Variants in AUTS2 observed in about 807,000 individuals in gnomAD.
The protein encoded by AUTS2 is activator of transcription and developmental regulator AUTS2.
Under a neutral mutation model 112.4 loss-of-function variants are expected in AUTS2, and 17 were observed. The observed-to-expected ratio is 0.15, with a 90% CI of 0.10 to 0.23. The LOEUF is 0.23. Among genes scored for constraint, AUTS2 ranks in the 10% least tolerant of loss-of-function variants. The pLI is 1.00. For missense variants in AUTS2, 1,510 were observed against 1,701.6 expected (o/e 0.89, Z 1.98); for synonymous variants, 751 against 702.7 (o/e 1.07, Z -1.09).
At chr7:69,882,814 A>G (rs1386011930) in intron 1 of AUTS2, among the ~76,000 whole-genome samples, 1 of 152,228 alleles carries the variant, frequency 6.6e-6, no homozygotes, top group African/African-American at 2.4e-5. Flanking sequence ...CTCATTAAAC[A>G]CAATCTTGAG....
At chr7:69,622,607 C>T (rs1583957961) in intron 1 of AUTS2, among the ~76,000 whole-genome samples, 1 of 152,136 alleles carries the variant, frequency 6.6e-6, no homozygotes, top group East Asian at 1.9e-4. Context: ...AACACATGTT[C>T]AGATTTTACT....
chr7:70,345,820 T>C (rs1002000276), intron 4 of AUTS2, among the ~76,000 whole-genome samples: 1 of 152,182 alleles, frequency 6.6e-6, no homozygotes, highest in African/African-American at 2.4e-5. Context: ...ATCTCCTGTT[T>C]TTTTGGACTT....
At chr7:70,499,130 T>C (rs1223840245) in intron 5 of AUTS2, among the ~76,000 whole-genome samples, 1 of 152,144 alleles carries the variant, frequency 6.6e-6, no homozygotes, top group Non-Finnish European at 1.5e-5. Context: ...GTCCCTGCTC[T>C]CGGGATGCTT....
intron 5 of AUTS2, among the ~76,000 whole-genome samples, chr7:70,606,141 C>T (rs1186334911): frequency 6.6e-6 from 1 of 152,208 alleles, no homozygotes; most frequent in Non-Finnish European, 1.5e-5. Context: ...GTATAATCAA[C>T]TTTCACACAC....
intron 4 of AUTS2, among the ~76,000 whole-genome samples, chr7:70,429,603 G>A (rs1037981135): frequency 3.3e-5 from 5 of 152,166 alleles, no homozygotes; most frequent in East Asian, 1.9e-4. Context: ...AACCAGGGCC[G>A]GACCACAAGC....
chr7:69,923,252 T>C (rs1414559332), intron 2 of AUTS2, among the ~76,000 whole-genome samples: 2 of 152,224 alleles, frequency 1.3e-5, no homozygotes, highest in Non-Finnish European at 2.9e-5. Flanking sequence ...TTCTCCACCT[T>C]TGCATTGCCT....
At chr7:70,561,759 C>T (rs1051198189) in intron 5 of AUTS2, among the ~76,000 whole-genome samples, 8 of 152,134 alleles carry the variant, frequency 5.3e-5, no homozygotes, top group African/African-American at 1.4e-4. Flanking sequence ...TTGTGTCTTT[C>T]TTTTTAGCAG....
chr7:70,120,163 C>G (rs1433460033), intron 3 of AUTS2: 1 of 151,994 alleles, frequency 6.6e-6, no homozygotes, highest in Non-Finnish European at 1.5e-5. Flanking sequence ...GTAGACAATT[C>G]CGAGATACAA....
chr7:70,486,760 A>G (rs1798018927), intron 5 of AUTS2, among the ~76,000 whole-genome samples: 1 of 152,118 alleles, frequency 6.6e-6, no homozygotes, highest in African/African-American at 2.4e-5. Context: ...TTCCATCTCA[A>G]TTAAAAAATA....
At position 69,788,770 on chromosome 7, in the gene AUTS2, T is replaced by TAA. The variant is rs201528680; in HGVS notation, c.310-110504_310-110503dup. Among the ~76,000 whole-genome samples, 311 of 139,686 alleles carry TAA rather than the reference T, an allele frequency of 2.2e-3. 1 individual carries two copies. Among genetic ancestry groups the TAA allele is most frequent in the African/African-American group, 7.7e-3 (297 of 38,768 alleles). The allele number at this position is 139,686 out of a possible 152,430, so 91.6% of individuals were successfully genotyped here. A position where few individuals can be genotyped will look rare whatever the true frequency, so the allele number is the denominator to read the frequency against. ...TCCTCCAGTGGCCTTGAAGCAAAAT[T>TAA]AAAAAAAAAAAAAGACACTTCTATG... On this transcript the variant is annotated intron_variant, in intron 1 of 18. Coordinates refer to ENST00000342771, the MANE Select transcript of AUTS2 (RefSeq NM_015570.4).
At chr7:69,928,934 A>G (rs1796130810) in intron 2 of AUTS2, among the ~76,000 whole-genome samples, 1 of 152,158 alleles carries the variant, frequency 6.6e-6, no homozygotes, top group South Asian at 2.1e-4. Context: ...ACGGGCCACC[A>G]TTGCCACCAT....
At chr7:70,682,286 T>C (rs1215398002) in intron 5 of AUTS2, among the ~76,000 whole-genome samples, 1 of 152,226 alleles carries the variant, frequency 6.6e-6, no homozygotes, top group Non-Finnish European at 1.5e-5. Flanking sequence ...TGCTGAAAAC[T>C]GCAATCTGTT....
chr7:70,445,050 T>G (rs1056851207), intron 5 of AUTS2, among the ~76,000 whole-genome samples: 1 of 152,214 alleles, frequency 6.6e-6, no homozygotes, highest in African/African-American at 2.4e-5. Context: ...CATTGCATTA[T>G]TCAAAACACT....
chr7:70,485,757 C>G (rs1252979035), intron 5 of AUTS2, among the ~76,000 whole-genome samples: 1 of 152,098 alleles, frequency 6.6e-6, no homozygotes, highest in Non-Finnish European at 1.5e-5. Flanking sequence ...CCCGTGTGTT[C>G]CTGTCACATT....
intron 6 of AUTS2, among the ~76,000 whole-genome samples, chr7:70,712,538 T>G (rs1205264924): frequency 6.6e-6 from 1 of 152,200 alleles, no homozygotes; most frequent in Non-Finnish European, 1.5e-5. Flanking sequence ...CTGCATCCTC[T>G]GAGTGGTTGT....
intron 5 of AUTS2, among the ~76,000 whole-genome samples, chr7:70,511,437 A>G (rs1327476514): frequency 6.6e-6 from 1 of 151,806 alleles, no homozygotes; most frequent in Non-Finnish European, 1.5e-5. Context: ...ATAATAAAAC[A>G]ACCTCCTAAA....
In AUTS2 at chr7:70,525,973, G is replaced by A. The variant is rs548703222; in HGVS notation, c.690+90192G>A. Among the ~76,000 whole-genome samples the A allele has an allele frequency of 5.9e-5, 9 of 152,306 alleles. No homozygotes were observed. The South Asian group carries it at 1.2e-3, about 21-fold the overall frequency. ...GTTAGCTCCTGCCCAGTGTCCTCACGTACGAGAGTGGTGAGTTTCTAATGC... is the reference window on the plus strand; with the variant it reads ...GTTAGCTCCTGCCCAGTGTCCTCACATACGAGAGTGGTGAGTTTCTAATGC... On this transcript the variant is annotated intron_variant, in intron 5 of 18. Transcript: ENST00000342771.
At position 69,658,722 on chromosome 7, in the gene AUTS2, C is replaced by G. The variant is rs540125906; in HGVS notation, c.309+58760C>G. On this transcript the variant is annotated intron_variant, in intron 1 of 18. Transcript: ENST00000342771. ...GAGATATTCATGAGCAAACTACTGT[C>G]TGATACTATATAATGCATTATTTCT... Among the ~76,000 whole-genome samples, 180 of 152,320 alleles carry G rather than the reference C, an allele frequency of 1.2e-3. 1 individual carries two copies. The highest frequency in any genetic ancestry group is 4.3e-3 in the African/African-American group (177 of 41,572).
At chr7:69,737,226 T>C (rs1426844260) in intron 1 of AUTS2, among the ~76,000 whole-genome samples, 1 of 152,204 alleles carries the variant, frequency 6.6e-6, no homozygotes, top group Non-Finnish European at 1.5e-5. Flanking sequence ...TTTGTTTCTT[T>C]TTTGAGTAAT....
Sources: gnomAD v4.1 joint callset for allele counts (sites outside exome capture counted in the v4.1 genomes callset) on GRCh38, gnomAD v4.1.1 for gene constraint, MANE v1.5 for transcripts, NCBI Gene and HGNC (gene_info 2026-07-23, HGNC 2026-07-21) for gene names.